Variants in EPHA3 observed in about 807,000 individuals in gnomAD.
EPHA3 encodes EPH receptor A3.
In EPHA3, 42 loss-of-function variants were observed where a neutral mutation model predicts 107.1. The ratio of observed to expected loss-of-function variants is 0.39; its 90% CI spans 0.31 to 0.51. The LOEUF (loss-of-function observed/expected upper bound fraction) is 0.51, where lower values mean the gene tolerates loss of function less well. Among genes scored for constraint, EPHA3 ranks in the 20% least tolerant of loss-of-function variants. EPHA3 has a pLI of 0.78. For missense variants in EPHA3, 1,183 were observed against 1,211.2 expected (o/e 0.98, Z 0.35); for synonymous variants, 461 against 424.8 (o/e 1.09, Z -1.05).
At chr3:89,432,133 C>G (rs879438750) in intron 13 of EPHA3, among the ~76,000 whole-genome samples, 1 of 151,898 alleles carries the variant, frequency 6.6e-6, no homozygotes, top group African/African-American at 2.4e-5. Context: ...ATGTGATCTG[C>G]CTGCATTCAT....
chr3:89,172,641 A>G (rs1705235877), intron 2 of EPHA3, among the ~76,000 whole-genome samples: 1 of 152,192 alleles, frequency 6.6e-6, no homozygotes, highest in Non-Finnish European at 1.5e-5. Flanking sequence ...AACTGGAAAA[A>G]TAGCTGTAGG....
chr3:89,205,560 C>A (rs1326208778), intron 2 of EPHA3, among the ~76,000 whole-genome samples: 4 of 151,962 alleles, frequency 2.6e-5, no homozygotes, highest in Admixed American at 2.6e-4. Flanking sequence ...TACAAGGAAC[C>A]CTATGTGGTC....
chr3:89,378,851 C>T (rs116341960), intron 5 of EPHA3, among the ~76,000 whole-genome samples: 2,443 of 135,786 alleles, frequency 0.018, 69 homozygotes, highest in African/African-American at 0.056. Flanking sequence ...ATTGTAAAGG[C>T]GTGTATAAAC....
intron 5 of EPHA3, among the ~76,000 whole-genome samples, chr3:89,366,585 A>G (rs1308279337): frequency 2.0e-5 from 3 of 150,686 alleles, no homozygotes; most frequent in Non-Finnish European, 3.0e-5. Flanking sequence ...AAAAGTGTAG[A>G]TAATAGAGCA....
chr3:89,245,706 G>GTA (rs1266342118), intron 3 of EPHA3, among the ~76,000 whole-genome samples: 1 of 152,234 alleles, frequency 6.6e-6, no homozygotes, highest in African/African-American at 2.4e-5. Context: ...ATGATGATCT[G>GTA]TAGTCCATGT....
At chr3:89,467,987 T>G (rs764534552) in intron 15 of EPHA3, among the ~76,000 whole-genome samples, 3 of 152,132 alleles carry the variant, frequency 2.0e-5, no homozygotes, top group Admixed American at 6.5e-5. Context: ...AAATTTCCCC[T>G]TCAGACCAAT....
At chr3:89,280,439 C>T (rs555057073) in intron 3 of EPHA3, among the ~76,000 whole-genome samples, 10 of 152,156 alleles carry the variant, frequency 6.6e-5, no homozygotes, top group Non-Finnish European at 7.4e-5. Context: ...GTCGTCACAT[C>T]TCCTCTGTCT....
At chr3:89,394,640 G>T (rs1328318246) in intron 5 of EPHA3, among the ~76,000 whole-genome samples, 1 of 152,150 alleles carries the variant, frequency 6.6e-6, no homozygotes, top group Non-Finnish European at 1.5e-5. Flanking sequence ...TGAATGAGAG[G>T]TCGGATGCAA....
intron 3 of EPHA3, among the ~76,000 whole-genome samples, chr3:89,223,179 T>G (rs1392274261): frequency 6.6e-6 from 1 of 152,258 alleles, no homozygotes; most frequent in Admixed American, 6.5e-5. Context: ...TTTTTTCTCC[T>G]TTTTAAAAAA....
chr3:89,447,961 C>T (rs543745036), intron 13 of EPHA3, among the ~76,000 whole-genome samples: 6 of 152,236 alleles, frequency 3.9e-5, no homozygotes, highest in South Asian at 2.1e-4. Context: ...TTGACGAACA[C>T]GGCTTAAGAT....
At chr3:89,381,018 G>A (rs1708493642) in intron 5 of EPHA3, among the ~76,000 whole-genome samples, 1 of 151,734 alleles carries the variant, frequency 6.6e-6, no homozygotes, top group African/African-American at 2.4e-5. Flanking sequence ...TCTTGCCCAG[G>A]CTGGAGTGCA....
intron 2 of EPHA3, among the ~76,000 whole-genome samples, chr3:89,162,724 A>T: frequency 6.6e-6 from 1 of 152,224 alleles, no homozygotes; most frequent in East Asian, 1.9e-4. Context: ...CCAACCCTGC[A>T]TGCTGGAACT....
Position 89,433,236 on chromosome 3 carries a change from T to G in EPHA3, c.2346+1877T>G, listed in dbSNP as rs1709603313. Among the ~76,000 whole-genome samples, 3 of 152,128 alleles carry G rather than the reference T, an allele frequency of 2.0e-5. No individual in the cohort carries two copies. In the South Asian group the frequency reaches 6.2e-4, roughly 32 times the overall value. ...TCCATATTCTCATCAGCTAAGAGAA[T>G]AGGTGGTTCCAAAGATGGTAGTCTT... On this transcript the variant is annotated intron_variant, in intron 13 of 16. Transcript: ENST00000336596.
At chr3:89,256,572 G>GAAATAAATAAAT (rs370171364) in intron 3 of EPHA3, among the ~76,000 whole-genome samples, 4 of 148,570 alleles carry the variant, frequency 2.7e-5, no homozygotes, top group East Asian at 2.0e-4. Flanking sequence ...CAAAAATAAG[G>GAAATAAATAAAT]AAATAAATAA....
chr3:89,310,261 AG>A (rs1706732424), intron 3 of EPHA3, among the ~76,000 whole-genome samples: 1 of 152,072 alleles, frequency 6.6e-6, no homozygotes, highest in African/African-American at 2.4e-5. Flanking sequence ...ACTAATTGTA[AG>A]GGATAGGAAA....
intron 3 of EPHA3, among the ~76,000 whole-genome samples, chr3:89,212,593 AT>A (rs10706823): frequency 0.89 from 132,896 of 149,052 alleles, 59,474 homozygotes; most frequent in Admixed American, 0.93. Context: ...AAACATCATG[AT>A]TTTTTTTTTT....
intron 3 of EPHA3, among the ~76,000 whole-genome samples, chr3:89,264,007 G>T (rs1264481197): frequency 6.6e-6 from 1 of 152,000 alleles, no homozygotes; most frequent in Admixed American, 6.6e-5. Context: ...AAAAATCCAC[G>T]TCCATCCCAT....
intron 2 of EPHA3, among the ~76,000 whole-genome samples, chr3:89,171,157 C>T (rs765300159): frequency 1.3e-5 from 2 of 151,966 alleles, no homozygotes; most frequent in African/African-American, 2.4e-5. Flanking sequence ...AAGAAAGAAG[C>T]GTTTTACCCA....
chr3:89,160,389 G>C (rs1347322601), intron 2 of EPHA3, among the ~76,000 whole-genome samples: 1 of 151,950 alleles, frequency 6.6e-6, no homozygotes, highest in Non-Finnish European at 1.5e-5. Context: ...GTTTTCCTTA[G>C]GTTGTTTGGA....
Sources: gnomAD v4.1 joint callset for allele counts (sites outside exome capture counted in the v4.1 genomes callset) on GRCh38, gnomAD v4.1.1 for gene constraint, MANE v1.5 for transcripts, NCBI Gene and HGNC (gene_info 2026-07-23, HGNC 2026-07-21) for gene names.